The following SECISBP2 variants were observed in gnomAD, a reference collection of about 807,000 sequenced individuals.
The protein encoded by SECISBP2 is selenocysteine insertion sequence-binding protein 2.
In SECISBP2, 96 loss-of-function variants were observed where a neutral mutation model predicts 98.2. The observed-to-expected ratio is 0.98, with a 90% confidence interval of 0.83 to 1.16. The LOEUF is 1.16. SECISBP2 is among the 50% of genes most tolerant of loss of function. The pLI, the probability that SECISBP2 is intolerant of heterozygous loss-of-function variation, is 0.00. For missense variants in SECISBP2, 1,046 were observed against 1,022.9 expected, an observed-to-expected ratio of 1.02 and a Z score of -0.31; for synonymous variants, 407 against 370.2, an observed-to-expected ratio of 1.10 and a Z score of -1.14.
chr9:89,319,501 C>G (rs1825315564), intron 1 of SECISBP2, 151 bp from the exon 2 acceptor site: 6 of 827,428 alleles, frequency 7.3e-6, no homozygotes, highest in Admixed American at 2.2e-5. Context: ...AAATCGTTAG[C>G]AAGCAGGTTC....
rs550276253 is a variant in SECISBP2, at chr9:89,325,409, T to G, written c.183-18T>G. The G allele has an allele frequency of 8.1e-6, 13 of 1,613,046 alleles. No individual in the cohort carries two copies. Among genetic ancestry groups the G allele is most frequent in the Admixed American group, 5.0e-5 (3 of 60,018 alleles). Reference sequence around the variant, plus strand: ...TGCAGTATGAAATCTGCAACTAAAGTTTACACTTTTTACTTAGGCAGAAAA... The same window carrying G: ...TGCAGTATGAAATCTGCAACTAAAGGTTACACTTTTTACTTAGGCAGAAAA... On this transcript the variant is annotated intron_variant, in intron 2 of 16. Coordinates refer to ENST00000375807, the MANE Select transcript of SECISBP2 (RefSeq NM_024077.5).
At position 89,342,959 on chromosome 9, in the gene SECISBP2, A is replaced by G. The variant is rs558944294; in HGVS notation, c.1435+1480A>G. Among the ~76,000 whole-genome samples, 4 of 152,360 alleles carry G rather than the reference A, an allele frequency of 2.6e-5. No individual in the cohort carries two copies. In the East Asian group the frequency reaches 5.8e-4, roughly 22 times the overall value. Reference sequence around the variant, plus strand: ...ATTAAAACATTTTTAAGTTATTAAAATAGGATGATTTTTAAAAATTGATCT... The same window carrying G: ...ATTAAAACATTTTTAAGTTATTAAAGTAGGATGATTTTTAAAAATTGATCT... On this transcript the variant is annotated intron_variant, in intron 10 of 16. Transcript: ENST00000375807.
chr9:89,328,838 CA>C lies in SECISBP2; in HGVS notation c.754del (p.Ile252PhefsTer4). ...GACCTGTCCACTCTGTCTCTACCGA[CA>C]TTTCTCTTCTAAGAGAAGTAGTAAA... ...WGPVHSVSTD[I>X]SLLREVVKPA... On this transcript the variant is annotated frameshift_variant, in exon 5 of 17. Transcript: ENST00000375807. LOFTEE classifies it high-confidence loss of function. 6.2e-7 allele frequency: 1 copy of C among 1,614,256 alleles called. No homozygotes were observed. Among genetic ancestry groups the C allele is most frequent in the Non-Finnish European group, 8.5e-7 (1 of 1,180,040 alleles).
At chr9:89,350,890 T>G in intron 14 of SECISBP2, 38 bp downstream of exon 14, 1 of 1,527,978 alleles carries the variant, frequency 6.5e-7, no homozygotes, top group Non-Finnish European at 9.1e-7. Context: ...TGTGGGCCCC[T>G]GCATGAGTGC....
chr9:89,358,175 A>G lies in SECISBP2; in HGVS notation c.2445A>G (p.Lys815=). The part of the protein sequence containing the change: ...AEDGPPALKE[K]EEPHYIEIWK... ...ATGGCCCCCCAGCCCTGAAAGAAAA[A>G]GAAGAGCCACACTACAGTGAGTGCT... The change falls in exon 16 of 17, where the codon AAA becomes AAG. Residue 815 remains lysine, a synonymous_variant. Transcript: ENST00000375807. The G allele has an allele frequency of 6.2e-7, 1 of 1,613,010 alleles. No individual in the cohort carries two copies. Among genetic ancestry groups the G allele is most frequent in the South Asian group, 1.1e-5 (1 of 90,892 alleles).
chr9:89,334,716 C>T lies in SECISBP2; in HGVS notation c.1075C>T (p.His359Tyr), dbSNP rs979031777. 1.6e-5 allele frequency: 25 copies of T among 1,612,786 alleles called. No homozygotes were observed. Among genetic ancestry groups the T allele is most frequent in the Non-Finnish European group, 2.1e-5 (25 of 1,179,528 alleles). ...PSYNKEKHII[H>Y]PTQKSKASQG... ...CTACAACAAAGAAAAACACATTATT[C>T]ATCCTACCCAAAAGGTACGTGTCAC... The change falls in exon 7 of 17, where the codon CAT (histidine) becomes TAT (tyrosine). Residue 359 changes from histidine to tyrosine, a missense_variant. By Grantham distance (83) the His-to-Tyr change is moderately conservative. Transcript: ENST00000375807.
chr9:89,347,802 G>T (rs1163761841), intron 11 of SECISBP2, among the ~76,000 whole-genome samples: 1 of 152,172 alleles, frequency 6.6e-6, no homozygotes, highest in Non-Finnish European at 1.5e-5. Context: ...AGCAGCCTGT[G>T]GTGTAGGTGC....
rs942189235 is a variant in SECISBP2 at position 89,328,572 on chromosome 9, A to G, written c.575-88A>G. ...AACAACCTGTTGCATCAATAGCAATAGTCTTTGTACTCTGCAATTTTTGCT... is the reference window on the plus strand; with the variant it reads ...AACAACCTGTTGCATCAATAGCAATGGTCTTTGTACTCTGCAATTTTTGCT... On this transcript the variant is annotated intron_variant, in intron 4 of 16. Transcript: ENST00000375807. The G allele has an allele frequency of 7.4e-6, 7 of 947,244 alleles. No individual in the cohort carries two copies. In the African/African-American group the frequency reaches 1.1e-4, roughly 15 times the overall value. 58.7% of individuals were successfully genotyped at this position (947,244 alleles called of 1,614,324 possible). A position where few individuals can be genotyped will look rare whatever the true frequency, so the allele number is the denominator to read the frequency against.
rs184025428 is a variant in SECISBP2 at position 89,332,612 on chromosome 9, T to C, written c.802-296T>C. ...GGCTGCTTCCAAGTTGTGGCAGTTA[T>C]GAGTAAAGCTGCTATAAACATCCAT... is the stretch of plus-strand genomic sequence containing the variant. On this transcript the variant is annotated intron_variant, in intron 5 of 16. Transcript: ENST00000375807. 2.4e-5 allele frequency: 10 copies of C among 420,352 alleles called. No homozygotes were observed. The Admixed American group carries it at 2.8e-4, about 12-fold the overall frequency. The allele number at this position is 420,352 out of a possible 1,614,324, so 26.0% of individuals were successfully genotyped here.
At chr9:89,321,592 G>C (rs1825815050) in intron 2 of SECISBP2, among the ~76,000 whole-genome samples, 1 of 152,110 alleles carries the variant, frequency 6.6e-6, no homozygotes, top group Non-Finnish European at 1.5e-5. Flanking sequence ...CTTGAACCCA[G>C]GAGATGGAGG....
At chr9:89,349,206 T>G (rs911434071) in intron 12 of SECISBP2, among the ~76,000 whole-genome samples, 1 of 152,266 alleles carries the variant, frequency 6.6e-6, no homozygotes, top group African/African-American at 2.4e-5. Context: ...TTTGGTGATC[T>G]GTTACTGCAA....
rs1826473748 is a variant in SECISBP2 at position 89,325,192 on chromosome 9, T to G, written c.183-235T>G. The G allele has an allele frequency of 5.6e-6, 3 of 531,718 alleles. No homozygotes were observed. The Admixed American group carries it at 9.8e-5, about 17-fold the overall frequency. The allele number at this position is 531,718 out of a possible 1,614,324, so 32.9% of individuals were successfully genotyped here. A position where few individuals can be genotyped will look rare whatever the true frequency, so the allele number is the denominator to read the frequency against. On this transcript the variant is annotated intron_variant, in intron 2 of 16. Coordinates refer to ENST00000375807, the MANE Select transcript of SECISBP2 (RefSeq NM_024077.5). Reference sequence around the variant, plus strand: ...CTGCTGGAGCATCTTCTGGCTCTGTTGATGTTTCTTACGGACTTCCAGCTC... The same window carrying G: ...CTGCTGGAGCATCTTCTGGCTCTGTGGATGTTTCTTACGGACTTCCAGCTC...
At chr9:89,334,256 G>A in intron 6 of SECISBP2, 2 of 1,128,668 alleles carry the variant, frequency 1.8e-6, no homozygotes, top group East Asian at 7.2e-5. Context: ...ACTACTGTTT[G>A]TCTACCCACC....
At chr9:89,325,815 G>A in intron 3 of SECISBP2, 82 bp from the exon 4 acceptor site, 1 of 1,594,310 alleles carries the variant, frequency 6.3e-7, no homozygotes, top group Non-Finnish European at 8.6e-7. Flanking sequence ...TGATTGAATT[G>A]TGAATACTTA....
At chr9:89,354,045 C>T (rs1164528949) in intron 14 of SECISBP2, among the ~76,000 whole-genome samples, 1 of 152,214 alleles carries the variant, frequency 6.6e-6, no homozygotes, top group Non-Finnish European at 1.5e-5. Context: ...TGGCATTTAA[C>T]CTAATAATTC....
chr9:89,361,509 G>C (rs1832761732), downstream of SECISBP2: 1 of 152,184 alleles, frequency 6.6e-6, no homozygotes. Flanking sequence ...TTTAGGACAA[G>C]TTCACACACA....
intron 12 of SECISBP2, 27 bp downstream of exon 12, chr9:89,348,241 A>G: frequency 6.2e-7 from 1 of 1,613,658 alleles, no homozygotes; most frequent in Non-Finnish European, 8.5e-7. Flanking sequence ...GTGCCTTAAG[A>G]ATAATTTAAA....
At chr9:89,350,506 A>G in intron 13 of SECISBP2, 126 bp from the exon 14 acceptor site, 1 of 836,452 alleles carries the variant, frequency 1.2e-6, no homozygotes, top group African/African-American at 1.7e-5. Flanking sequence ...TCTGGTTAGT[A>G]GTACTTGTTG....
intron 8 of SECISBP2, 27 bp downstream of exon 8, chr9:89,338,607 G>T (rs976584484): frequency 6.2e-7 from 1 of 1,606,904 alleles, no homozygotes; most frequent in Non-Finnish European, 8.5e-7. Flanking sequence ...TATTCACATG[G>T]TGTGATATAA....
Sources: gnomAD v4.1 joint callset for allele counts (sites outside exome capture counted in the v4.1 genomes callset) on GRCh38, gnomAD v4.1.1 for gene constraint, MANE v1.5 for transcripts, NCBI Gene and HGNC (gene_info 2026-07-23, HGNC 2026-07-21) for gene names.